DENND1A: variants seen among roughly 807,000 people sequenced by gnomAD.
DENND1A encodes DENN domain containing 1A.
A neutral mutation model predicts 113.7 loss-of-function variants in DENND1A; 51 were observed. The ratio of observed to expected loss-of-function variants is 0.45; its 90% CI spans 0.36 to 0.57. The LOEUF is 0.57. DENND1A is among the 20% of genes least tolerant of loss of function. DENND1A has a pLI of 0.00. For missense variants in DENND1A, 1,258 were observed against 1,395.9 expected, an observed-to-expected ratio of 0.90 and a Z score of 1.57; for synonymous variants, 565 against 570.8, an observed-to-expected ratio of 0.99 and a Z score of 0.14.
At chr9:123,891,587 A>G (rs1439214558) in intron 1 of DENND1A, among the ~76,000 whole-genome samples, 1 of 152,218 alleles carries the variant, frequency 6.6e-6, no homozygotes, top group African/African-American at 2.4e-5. Context: ...CACACAACCT[A>G]GAAATCGTGA....
At chr9:123,651,959 T>A (rs973519978) in intron 9 of DENND1A, 54 bp downstream of exon 9, 21 of 1,502,804 alleles carry the variant, frequency 1.4e-5, no homozygotes, top group Non-Finnish European at 1.8e-5. Context: ...TGCTGGTGTA[T>A]CTTTCAATTA....
intron 11 of DENND1A, among the ~76,000 whole-genome samples, chr9:123,604,224 G>C (rs2060051567): frequency 6.6e-6 from 1 of 152,176 alleles, no homozygotes; most frequent in South Asian, 2.1e-4. Flanking sequence ...AGTCTTTGCA[G>C]ATGCTGCTCT....
intron 9 of DENND1A, among the ~76,000 whole-genome samples, chr9:123,641,111 C>T (rs549702455): frequency 6.6e-6 from 1 of 152,354 alleles, no homozygotes; most frequent in South Asian, 2.1e-4. Flanking sequence ...AAAGTGACCA[C>T]ACTTTCAGTC....
intron 13 of DENND1A, among the ~76,000 whole-genome samples, chr9:123,522,837 G>T (rs1450703392): frequency 1.3e-5 from 2 of 152,216 alleles, no homozygotes; most frequent in African/African-American, 4.8e-5. Context: ...GTCACAGCCT[G>T]CAAGAAGCTT....
At chr9:123,854,653 C>A (rs1030726735) in intron 2 of DENND1A, among the ~76,000 whole-genome samples, 4 of 151,414 alleles carry the variant, frequency 2.6e-5, no homozygotes, top group African/African-American at 9.7e-5. Context: ...TGAGATCATG[C>A]CATTGCACTC....
At chr9:123,827,489 C>T (rs750629947) in intron 2 of DENND1A, among the ~76,000 whole-genome samples, 32 of 151,550 alleles carry the variant, frequency 2.1e-4, no homozygotes, top group Non-Finnish European at 4.0e-4. Flanking sequence ...CCACTGCACT[C>T]CAGCCTGGGC....
At chr9:123,468,007 G>C (rs914550823) in intron 13 of DENND1A, among the ~76,000 whole-genome samples, 4 of 152,156 alleles carry the variant, frequency 2.6e-5, no homozygotes, top group African/African-American at 4.8e-5. Flanking sequence ...CAGATGAAGA[G>C]GACCTCATTT....
chr9:123,499,325 C>T (rs1244843533), intron 13 of DENND1A, among the ~76,000 whole-genome samples: 6 of 152,228 alleles, frequency 3.9e-5, no homozygotes, highest in South Asian at 4.1e-4. Context: ...TGAGCCAGCA[C>T]GCTCGGCCTC....
intron 21 of DENND1A, among the ~76,000 whole-genome samples, chr9:123,396,031 G>A (rs948853929): frequency 6.6e-6 from 1 of 152,070 alleles, no homozygotes; most frequent in East Asian, 1.9e-4. Context: ...GCTACAACAT[G>A]GCCGGTCACC....
intron 21 of DENND1A, among the ~76,000 whole-genome samples, chr9:123,396,787 G>A (rs894840868): frequency 1.3e-5 from 2 of 152,152 alleles, no homozygotes; most frequent in African/African-American, 4.8e-5. Flanking sequence ...AGAAGGATTC[G>A]GACACATGTT....
At chr9:123,800,617 C>T (rs1047513823) in intron 2 of DENND1A, among the ~76,000 whole-genome samples, 2 of 152,144 alleles carry the variant, frequency 1.3e-5, no homozygotes, top group African/African-American at 2.4e-5. Flanking sequence ...AAGAATACAT[C>T]TGGACAAATA....
At chr9:123,433,532 C>G (rs1450150532) in intron 19 of DENND1A, among the ~76,000 whole-genome samples, 2 of 152,170 alleles carry the variant, frequency 1.3e-5, no homozygotes, top group East Asian at 3.8e-4. Flanking sequence ...GCCTGCCTCT[C>G]CTAGGAATAA....
At chr9:123,639,002 A>ACC (rs1442222315) in intron 9 of DENND1A, among the ~76,000 whole-genome samples, 1 of 139,060 alleles carries the variant, frequency 7.2e-6, no homozygotes, top group Admixed American at 7.7e-5. Flanking sequence ...AAACTAAGGA[A>ACC]CCTTCAGGTG....
Position 123,748,420 on chromosome 9 carries a change from A to C in DENND1A, c.302+9283T>G, listed in dbSNP as rs373722172. ...TGATTGCTAGAATTGTAGAGTCTTC[A>C]AACTTCTTCAAACTTCAATCATGGT... On this transcript the variant is annotated intron_variant, in intron 5 of 23. Coordinates refer to ENST00000394215, the MANE Select transcript of DENND1A (RefSeq NM_001352964.2). Among the ~76,000 whole-genome samples, 7 of 152,334 alleles carry C rather than the reference A, an allele frequency of 4.6e-5. No individual in the cohort carries two copies. The South Asian group carries it at 1.5e-3, about 32-fold the overall frequency.
intron 13 of DENND1A, among the ~76,000 whole-genome samples, chr9:123,532,263 G>A (rs1239318993): frequency 1.3e-5 from 2 of 152,178 alleles, no homozygotes; most frequent in East Asian, 3.8e-4. Context: ...ATAGTGCGAT[G>A]ATCAAAATTA....
chr9:123,396,499 G>A (rs1446294101), intron 21 of DENND1A, among the ~76,000 whole-genome samples: 1 of 152,256 alleles, frequency 6.6e-6, no homozygotes, highest in Non-Finnish European at 1.5e-5. Context: ...GCCGTTGAAC[G>A]TGCACAAGCG....
chr9:123,927,726 C>A (rs760802317), intron 1 of DENND1A, among the ~76,000 whole-genome samples: 6 of 152,138 alleles, frequency 3.9e-5, no homozygotes, highest in Non-Finnish European at 8.8e-5. Flanking sequence ...ACAAAAGGAA[C>A]CCCTCCCCCT....
chr9:123,485,366 C>A (rs543947590), intron 13 of DENND1A, among the ~76,000 whole-genome samples: 149 of 152,234 alleles, frequency 9.8e-4, no homozygotes, highest in Non-Finnish European at 1.9e-3. Context: ...CCTCTTATTC[C>A]AAAGAGGAAA....
At chr9:123,538,567 G>A (rs770510854) in intron 13 of DENND1A, among the ~76,000 whole-genome samples, 7 of 151,568 alleles carry the variant, frequency 4.6e-5, no homozygotes, top group Non-Finnish European at 1.0e-4. Flanking sequence ...GGTTCATGTA[G>A]AAAAAAAGTA....
Sources: allele counts gnomAD v4.1 joint callset (sites outside exome capture counted in the v4.1 genomes callset), GRCh38; gene constraint gnomAD v4.1.1; transcripts MANE v1.5; gene names NCBI Gene and HGNC (gene_info 2026-07-23, HGNC 2026-07-21).